CASS4: variants seen among roughly 807,000 people sequenced by gnomAD.
The protein encoded by CASS4 is cas scaffolding protein family member 4.
CASS4 carries 22 observed loss-of-function variants against 54.2 expected under a neutral mutation model. That is an observed-to-expected ratio of 0.41 (90% CI 0.29 to 0.58). CASS4 has a LOEUF of 0.58. Ranked by LOEUF, CASS4 falls within the 20% of genes least tolerant of loss-of-function variation. CASS4 has a pLI of 0.36. For missense variants in CASS4, 854 were observed against 986.7 expected (o/e 0.87, Z 1.80); for synonymous variants, 409 against 391.5 (o/e 1.04, Z -0.53).
chr20:56,442,667 A>T (rs1166846655), intron 2 of CASS4, among the ~76,000 whole-genome samples: 1 of 60,282 alleles, frequency 1.7e-5, no homozygotes, highest in East Asian at 1.1e-3. Flanking sequence ...GCCTAATTTA[A>T]AAAAAAAACC....
intron 2 of CASS4, among the ~76,000 whole-genome samples, chr20:56,439,297 G>A (rs959406225): frequency 1.3e-5 from 2 of 151,886 alleles, no homozygotes; most frequent in African/African-American, 4.8e-5. Context: ...GCCTCCCAAA[G>A]TGCTGGGATT....
chr20:56,443,802 C>T (rs1027327436), intron 2 of CASS4, among the ~76,000 whole-genome samples: 1 of 152,164 alleles, frequency 6.6e-6, no homozygotes, highest in Non-Finnish European at 1.5e-5. Flanking sequence ...GTCCTGGACC[C>T]GGAAACCCCT....
rs148023315 is a variant in CASS4, at chr20:56,437,271, C to T, written c.144C>T (p.Ser48=). Residue 48 remains serine (S), a synonymous_variant, in exon 2 of 6, where the codon AGC becomes AGT. Transcript: ENST00000679887. This position sits in a 1 kb window ranked among gnomAD's most constrained non-coding sequence, Gnocchi z 4.7. ...LTILEQHVPE[S]EGWWKCLLHG... ...TTCTGGAGCAACACGTGCCAGAAAG[C>T]GAGGGTTGGTGGAAGTGTTTGCTCC... 6.1e-5 allele frequency: 98 copies of T among 1,614,010 alleles called. No individual in the cohort carries two copies. Among genetic ancestry groups the T allele is most frequent in the Non-Finnish European group, 7.6e-5 (90 of 1,179,940 alleles).
At chr20:56,442,400 C>T (rs1321114361) in intron 2 of CASS4, among the ~76,000 whole-genome samples, 2 of 151,752 alleles carry the variant, frequency 1.3e-5, no homozygotes, top group African/African-American at 4.9e-5. Flanking sequence ...CATCACCCCC[C>T]AAAACACAGC....
At chr20:56,448,726 CT>C (rs1980846741) in intron 3 of CASS4, among the ~76,000 whole-genome samples, 1 of 152,122 alleles carries the variant, frequency 6.6e-6, no homozygotes, top group Non-Finnish European at 1.5e-5. Context: ...AATTTGTAAC[CT>C]GTTTTTTGTA....
rs1183878812 is a variant in CASS4, at chr20:56,459,573, T to A, written c.*826T>A. 5 of 201,144 alleles carry A rather than the reference T, an allele frequency of 2.5e-5. No homozygotes were observed. The highest frequency in any genetic ancestry group is 5.7e-5 in the Non-Finnish European group (5 of 87,602). The allele number at this position is 201,144 out of a possible 1,614,324, so 12.5% of individuals were successfully genotyped here. On this transcript the variant is annotated 3_prime_UTR_variant, in exon 6 of 6. Transcript: ENST00000679887. ...GAATCACTTAATCCTGGAAGTCTTA[T>A]GAGAAGACATGGCAAGAAGCAGAGT...
intron 1 of CASS4, among the ~76,000 whole-genome samples, chr20:56,421,781 A>C (rs1221978214): frequency 3.3e-5 from 5 of 152,176 alleles, no homozygotes; most frequent in African/African-American, 1.2e-4. Flanking sequence ...GACCCATCAA[A>C]TAACACAAAA....
At position 56,452,530 on chromosome 20, in the gene CASS4, G is replaced by A. The variant is rs200228453; in HGVS notation, c.1354G>A (p.Val452Ile). 7.9e-5 allele frequency: 128 copies of A among 1,613,978 alleles called. No homozygotes were observed. Among genetic ancestry groups the A allele is most frequent in the Middle Eastern group, 3.3e-4 (2 of 6,084 alleles). Residue 452 changes from valine (V) to isoleucine (I), a missense_variant, in exon 5 of 6, where the codon GTC becomes ATC. By Grantham distance (29) the Val-to-Ile change is conservative. Transcript: ENST00000679887. ...AGTGATGGCTCTGCAGCACAAGGTG[G>A]TCAGCTCTGTCGCTGGCCTGATGCT... Reference protein sequence around the residue: ...ETVMALQHKVVSSVAGLMLFV... With the variant: ...ETVMALQHKVISSVAGLMLFV...
chr20:56,458,345 T>C lies in CASS4; in HGVS notation c.1959T>C (p.Pro653=). The C allele has an allele frequency of 6.2e-7, 1 of 1,605,488 alleles. No individual in the cohort carries two copies. Among genetic ancestry groups the C allele is most frequent in the Non-Finnish European group, 8.5e-7 (1 of 1,172,584 alleles). The change falls in exon 6 of 6, where the codon CCT becomes CCC. Residue 653 remains proline, a synonymous_variant. Coordinates refer to ENST00000679887, the MANE Select transcript of CASS4 (RefSeq NM_020356.4). ...TTCTTCCTTCCCTTCTTTAGAATCC[T>C]GGCCCTCTTATACCTCAGCCTTCGA... ...KNRANICGQN[P]GPLIPQPSSQ... is the part of the protein sequence containing the mutation.
intron 1 of CASS4, among the ~76,000 whole-genome samples, chr20:56,426,805 T>C (rs1449756279): frequency 6.6e-6 from 1 of 152,136 alleles, no homozygotes; most frequent in African/African-American, 2.4e-5. Context: ...CTCAAACTCC[T>C]GAGTTCAAAG....
At chr20:56,418,552 A>G (rs1203241985) in intron 1 of CASS4, among the ~76,000 whole-genome samples, 1 of 152,188 alleles carries the variant, frequency 6.6e-6, no homozygotes, top group Admixed American at 6.5e-5. Flanking sequence ...GAAAGAGCAA[A>G]AGCTGGTAAA....
In CASS4 at chr20:56,412,624, GA is replaced by G; in HGVS notation, c.36+133del. On this transcript the variant is annotated intron_variant, in intron 1 of 5. Coordinates refer to ENST00000679887, the MANE Select transcript of CASS4 (RefSeq NM_020356.4). This position sits in a 1 kb window ranked among gnomAD's most constrained non-coding sequence, Gnocchi z 4.2. ...CCAGTGACGTGTGAGTTGGAGATGG[GA>G]AAGTTTAACATAAGTTTAAGTGTGG... 1.1e-6 allele frequency: 1 copy of G among 944,910 alleles called. No homozygotes were observed. The highest frequency in any genetic ancestry group is 1.6e-6 in the Non-Finnish European group (1 of 619,338). 58.5% of individuals were successfully genotyped at this position (944,910 alleles called of 1,614,324 possible).
At position 56,451,836 on chromosome 20, in the gene CASS4, G is replaced by A. The variant is rs750268220; in HGVS notation, c.660G>A (p.Leu220=). ...DSQASGQGVP[L]ISVTTLRRGG... ...TCCCACAGGGGCAGGGTGTTCCCCT[G>A]ATATCAGTGACTACCTTAAGAAGAG... is the stretch of plus-strand genomic sequence containing the variant. The change falls in exon 5 of 6, where the codon CTG becomes CTA. Residue 220 remains leucine, a synonymous_variant. Coordinates refer to ENST00000679887, the MANE Select transcript of CASS4 (RefSeq NM_020356.4). 1 of 1,612,278 alleles carries A rather than the reference G, an allele frequency of 6.2e-7. No homozygotes were observed. Among genetic ancestry groups the A allele is most frequent in the Non-Finnish European group, 8.5e-7 (1 of 1,178,540 alleles).
In CASS4 at chr20:56,458,660, C is replaced by T; in HGVS notation, c.2274C>T (p.Tyr758=). The change falls in exon 6 of 6, where the codon TAC becomes TAT. Residue 758 remains tyrosine (Y), a synonymous_variant. Transcript: ENST00000679887. The part of the protein sequence containing the change: ...ALATKNAVLT[Y]PSPAALGHLQ... ...CCACTAAGAATGCCGTGCTCACGTA[C>T]CCCAGCCCTGCCGCGCTGGGGCACC... 6.2e-7 allele frequency: 1 copy of T among 1,613,296 alleles called. No homozygotes were observed. The highest frequency in any genetic ancestry group is 8.5e-7 in the Non-Finnish European group (1 of 1,179,816).
intron 1 of CASS4, among the ~76,000 whole-genome samples, chr20:56,423,979 G>A (rs979609205): frequency 2.0e-5 from 3 of 152,072 alleles, no homozygotes; most frequent in African/African-American, 7.2e-5. Flanking sequence ...TTCAAAAACG[G>A]GGCTGAAGCA....
At chr20:56,417,727 GA>G (rs930762404) in intron 1 of CASS4, among the ~76,000 whole-genome samples, 1 of 152,218 alleles carries the variant, frequency 6.6e-6, no homozygotes, top group African/African-American at 2.4e-5. Flanking sequence ...GTGAGGATAG[GA>G]ACAGCACTAC....
At position 56,445,887 on chromosome 20, in the gene CASS4, C is replaced by T. The variant is rs903960466; in HGVS notation, c.460-13C>T. On this transcript the variant is annotated splice_polypyrimidine_tract_variant and intron_variant, in intron 2 of 5. Transcript: ENST00000679887. ...CATTTCCTTTTCCTCTTTTCTCCTC[C>T]TTTCTCTCCAAGGCCATCCTCACGC... 6.3e-7 allele frequency: 1 copy of T among 1,595,760 alleles called. No individual in the cohort carries two copies. Among genetic ancestry groups the T allele is most frequent in the Non-Finnish European group, 8.6e-7 (1 of 1,163,844 alleles).
chr20:56,435,071 T>C (rs899796739), intron 1 of CASS4, among the ~76,000 whole-genome samples: 1 of 152,252 alleles, frequency 6.6e-6, no homozygotes, highest in African/African-American at 2.4e-5. Flanking sequence ...TATTAGATTT[T>C]GTGGGGGATG....
chr20:56,453,105 A>G lies in CASS4; in HGVS notation c.1929A>G (p.Lys643=). Residue 643 remains lysine (K), a synonymous_variant, in exon 5 of 6, where the codon AAA becomes AAG. Transcript: ENST00000679887. The part of the protein sequence containing the change: ...EDEHSSELLK[K]NRANICGQNP... ...AACACTCTTCTGAACTATTAAAGAA[A>G]AATAGGGCAAATATCTGTGGACAGG... 6.2e-7 allele frequency: 1 copy of G among 1,613,570 alleles called. No homozygotes were observed. The highest frequency in any genetic ancestry group is 2.2e-5 in the East Asian group (1 of 44,856).
Sources: allele counts gnomAD v4.1 joint callset (sites outside exome capture counted in the v4.1 genomes callset), GRCh38; gene constraint gnomAD v4.1.1; non-coding constraint Gnocchi (gnomAD v3.1); transcripts MANE v1.5; gene names NCBI Gene and HGNC (gene_info 2026-07-23, HGNC 2026-07-21).